SCFD2: variants seen among roughly 807,000 people sequenced by gnomAD.
SCFD2 encodes sec1 family domain containing 2, also known as sec1 family domain-containing protein 2.
SCFD2 carries 54 observed loss-of-function variants against 58.9 expected under a neutral mutation model. That is an observed-to-expected ratio of 0.92 (90% CI 0.74 to 1.15). The LOEUF is 1.15. Among genes scored for constraint, SCFD2 ranks in the 50% most tolerant of loss-of-function variants. SCFD2 has a pLI of 0.00. For missense variants in SCFD2, 805 were observed against 836.6 expected, an observed-to-expected ratio of 0.96 and a Z score of 0.47; for synonymous variants, 321 against 335.9, an observed-to-expected ratio of 0.96 and a Z score of 0.49.
intron 4 of SCFD2, among the ~76,000 whole-genome samples, chr4:53,244,293 C>T (rs1160058576): frequency 6.6e-6 from 1 of 152,168 alleles, no homozygotes; most frequent in Non-Finnish European, 1.5e-5. Context: ...ACATTCTACT[C>T]ATCACCACAT....
At chr4:53,278,484 G>A (rs1335415636) in intron 3 of SCFD2, among the ~76,000 whole-genome samples, 1 of 151,286 alleles carries the variant, frequency 6.6e-6, no homozygotes, top group African/African-American at 2.4e-5. Context: ...GGCCAAGATC[G>A]TGCCACTGCA....
intron 2 of SCFD2, among the ~76,000 whole-genome samples, chr4:53,322,874 C>A (rs1733067645): frequency 6.6e-6 from 1 of 152,172 alleles, no homozygotes; most frequent in Admixed American, 6.5e-5. Context: ...CAAATTCAAG[C>A]CATGGAAAGT....
chr4:53,237,974 C>T (rs527585627), intron 4 of SCFD2, among the ~76,000 whole-genome samples: 2 of 114,248 alleles, frequency 1.8e-5, no homozygotes, highest in Non-Finnish European at 3.9e-5. Context: ...CCACCTCCCT[C>T]CCGGACGGGG....
At chr4:53,003,483 A>C (rs1018429035) in intron 5 of SCFD2, among the ~76,000 whole-genome samples, 2 of 152,244 alleles carry the variant, frequency 1.3e-5, no homozygotes, top group African/African-American at 2.4e-5. Flanking sequence ...GGACATTTCC[A>C]TCCTCACAGA....
At chr4:53,202,111 C>G (rs1157644914) in intron 4 of SCFD2, among the ~76,000 whole-genome samples, 1 of 151,966 alleles carries the variant, frequency 6.6e-6, no homozygotes. Flanking sequence ...ATGCCTATGT[C>G]CTGAATGGTA....
At chr4:53,085,034 T>C (rs1724264766) in intron 5 of SCFD2, among the ~76,000 whole-genome samples, 1 of 152,150 alleles carries the variant, frequency 6.6e-6, no homozygotes, top group African/African-American at 2.4e-5. Context: ...AAGTCCTTGC[T>C]AGAGCAACCA....
intron 2 of SCFD2, among the ~76,000 whole-genome samples, chr4:53,346,277 CT>C (rs58195090): frequency 7.4e-4 from 100 of 135,206 alleles, no homozygotes; most frequent in Admixed American, 1.1e-3. Flanking sequence ...CTTTTTTTTT[CT>C]TTTTTTTTTT....
intron 4 of SCFD2, among the ~76,000 whole-genome samples, chr4:53,161,794 T>A (rs894548071): frequency 1.3e-5 from 2 of 152,212 alleles, no homozygotes; most frequent in Admixed American, 1.3e-4. Context: ...TCTGGCTACA[T>A]TTAATGATTT....
chr4:52,876,454 G>A (rs1718475602), intron 8 of SCFD2, among the ~76,000 whole-genome samples: 1 of 152,090 alleles, frequency 6.6e-6, no homozygotes, highest in South Asian at 2.1e-4. Context: ...CCACAATTAA[G>A]AAGCCCTTTT....
intron 5 of SCFD2, among the ~76,000 whole-genome samples, chr4:53,115,737 C>A (rs1449122241): frequency 1.3e-5 from 2 of 152,130 alleles, no homozygotes; most frequent in African/African-American, 2.4e-5. Flanking sequence ...TTTTTCCTGA[C>A]ATATCTATTT....
chr4:52,950,992 A>G (rs750825682), intron 5 of SCFD2: 3 of 152,234 alleles, frequency 2.0e-5, no homozygotes, highest in East Asian at 1.9e-4. Flanking sequence ...TGGGAGCACA[A>G]CATGTAAATT....
intron 5 of SCFD2, among the ~76,000 whole-genome samples, chr4:53,026,905 GT>G (rs1722487857): frequency 6.6e-6 from 1 of 152,312 alleles, no homozygotes; most frequent in African/African-American, 2.4e-5. Context: ...AACTCTTTCA[GT>G]TTTTTCCCTG....
chr4:52,984,321 T>G (rs979151171), intron 5 of SCFD2, among the ~76,000 whole-genome samples: 2 of 152,226 alleles, frequency 1.3e-5, no homozygotes, highest in Non-Finnish European at 2.9e-5. Context: ...ATTTGAGTGT[T>G]GTCTTTAATA....
At chr4:53,076,773 T>C (rs956128050) in intron 5 of SCFD2, among the ~76,000 whole-genome samples, 4 of 152,318 alleles carry the variant, frequency 2.6e-5, no homozygotes, top group Admixed American at 1.3e-4. Context: ...CGGCTCAAAG[T>C]AGGCTGCCAG....
intron 5 of SCFD2, among the ~76,000 whole-genome samples, chr4:53,103,630 G>C (rs181602906): frequency 6.7e-6 from 1 of 148,902 alleles, no homozygotes; most frequent in African/African-American, 2.4e-5. Context: ...GTAGCAATGA[G>C]CATATCTAGT....
chr4:53,119,305 G>A (rs1488467456), intron 5 of SCFD2, among the ~76,000 whole-genome samples: 11 of 141,168 alleles, frequency 7.8e-5, no homozygotes, highest in African/African-American at 2.4e-4. Flanking sequence ...GCAACAGAGC[G>A]AGACTCCATC....
intron 1 of SCFD2, among the ~76,000 whole-genome samples, chr4:53,357,591 A>T (rs1006898383): frequency 6.6e-6 from 1 of 152,198 alleles, no homozygotes; most frequent in Non-Finnish European, 1.5e-5. Context: ...CCTGGCATGG[A>T]TCTAACACCA....
At chr4:53,304,414 AAG>A (rs1334936013) in intron 3 of SCFD2, among the ~76,000 whole-genome samples, 1 of 152,084 alleles carries the variant, frequency 6.6e-6, no homozygotes, top group Non-Finnish European at 1.5e-5. Flanking sequence ...TAATATCCTG[AAG>A]AGTGTTTTCC....
At chr4:52,952,111 TG>T (rs1720608387) in intron 5 of SCFD2, among the ~76,000 whole-genome samples, 1 of 152,092 alleles carries the variant, frequency 6.6e-6, no homozygotes, top group African/African-American at 2.4e-5. Flanking sequence ...AAGAGAAGCC[TG>T]GACTAGAGGC....
Sources: allele counts gnomAD v4.1 joint callset (sites outside exome capture counted in the v4.1 genomes callset), GRCh38; gene constraint gnomAD v4.1.1; transcripts MANE v1.5; gene names NCBI Gene and HGNC (gene_info 2026-07-23, HGNC 2026-07-21).